The following PIK3CB variants were observed in gnomAD, a reference collection of about 807,000 sequenced individuals.
PIK3CB encodes phosphatidylinositol 4,5-bisphosphate 3-kinase catalytic subunit beta isoform.
A neutral mutation model predicts 136.8 loss-of-function variants in PIK3CB; 39 were observed. That is an observed-to-expected ratio of 0.29 (90% CI 0.22 to 0.37). The LOEUF is 0.37. Among genes scored for constraint, PIK3CB ranks in the 10% least tolerant of loss-of-function variants. The pLI, the probability that PIK3CB is intolerant of heterozygous loss-of-function variation, is 1.00. For synonymous variants in PIK3CB, 428 were observed against 436.6 expected (o/e 0.98, Z 0.25); for missense variants, 868 against 1,275.4 (o/e 0.68, Z 4.87).
chr3:138,673,962 A>C (rs892430773), intron 19 of PIK3CB, among the ~76,000 whole-genome samples: 13 of 152,048 alleles, frequency 8.5e-5, no homozygotes, highest in Non-Finnish European at 1.8e-4. Context: ...ATTTGACCTG[A>C]CTCAGACCTC....
intron 1 of PIK3CB, among the ~76,000 whole-genome samples, chr3:138,809,552 G>A (rs1270917309): frequency 7.3e-6 from 1 of 137,566 alleles, no homozygotes; most frequent in African/African-American, 2.7e-5. Flanking sequence ...GTTGCAGTAA[G>A]CCAAGATTGC....
At chr3:138,661,603 G>C (rs145158020) in intron 21 of PIK3CB, among the ~76,000 whole-genome samples, 6 of 152,366 alleles carry the variant, frequency 3.9e-5, no homozygotes, top group African/African-American at 1.4e-4. Flanking sequence ...AATGTGATTG[G>C]ACGGAAGTCC....
At chr3:138,778,868 C>T (rs907872025) in intron 2 of PIK3CB, 8 of 166,916 alleles carry the variant, frequency 4.8e-5, no homozygotes, top group Non-Finnish European at 7.7e-5. Flanking sequence ...AGCTGCTGTG[C>T]AGTCCTGCCC....
intron 1 of PIK3CB, among the ~76,000 whole-genome samples, chr3:138,827,807 G>A (rs1290866661): frequency 6.7e-6 from 1 of 150,060 alleles, no homozygotes; most frequent in Admixed American, 6.7e-5. Context: ...GTGAAACCCT[G>A]TCTCTACTAA....
At chr3:138,730,940 A>AT (rs2044959075) in intron 8 of PIK3CB, among the ~76,000 whole-genome samples, 1 of 152,058 alleles carries the variant, frequency 6.6e-6, no homozygotes, top group African/African-American at 2.4e-5. Flanking sequence ...TAAATAAATA[A>AT]TTTTTTTAAA....
intron 16 of PIK3CB, among the ~76,000 whole-genome samples, chr3:138,686,446 A>AAAAT (rs1289016995): frequency 2.6e-5 from 4 of 152,136 alleles, no homozygotes; most frequent in East Asian, 1.9e-4. Context: ...CACAAAAAAT[A>AAAAT]AAATAAATAA....
chr3:138,695,669 A>C (rs533176837), intron 13 of PIK3CB, among the ~76,000 whole-genome samples: 93 of 152,148 alleles, frequency 6.1e-4, no homozygotes, highest in African/African-American at 2.0e-3. Flanking sequence ...TTTACATTTG[A>C]AAAATATTTT....
chr3:138,689,436 G>A (rs1409995011), intron 15 of PIK3CB, among the ~76,000 whole-genome samples: 1 of 152,194 alleles, frequency 6.6e-6, no homozygotes, highest in Non-Finnish European at 1.5e-5. Context: ...TGGGATTATA[G>A]GCATGCGCCA....
chr3:138,710,086 G>A (rs1409810374), intron 10 of PIK3CB, among the ~76,000 whole-genome samples: 2 of 151,950 alleles, frequency 1.3e-5, no homozygotes, highest in African/African-American at 2.4e-5. Context: ...CTACTTGGGG[G>A]GCTGAGGAGG....
Position 138,793,903 on chromosome 3 carries a change from TTC to T in PIK3CB, c.-17+2558_-17+2559del, listed in dbSNP as rs564140966. On this transcript the variant is annotated intron_variant, in intron 2 of 23. Coordinates refer to ENST00000674063, the MANE Select transcript of PIK3CB (RefSeq NM_006219.3). ...GTAGGCAGAGCCAGGCCACGTAGTGTTCTGTGGCTGTGGTAAGGAGTTTAGAC... is the reference window on the plus strand; with the variant it reads ...GTAGGCAGAGCCAGGCCACGTAGTGTTGTGGCTGTGGTAAGGAGTTTAGAC... Among the ~76,000 whole-genome samples, 436 of 152,306 alleles carry T rather than the reference TTC, an allele frequency of 2.9e-3. 2 individuals carry two copies. The highest frequency in any genetic ancestry group is 4.7e-3 in the Non-Finnish European group (323 of 68,022).
At chr3:138,694,510 A>G (rs1006362616) in intron 14 of PIK3CB, among the ~76,000 whole-genome samples, 7 of 152,074 alleles carry the variant, frequency 4.6e-5, no homozygotes, top group African/African-American at 1.2e-4. Flanking sequence ...GCAATAAATT[A>G]TATCTGTAAG....
chr3:138,741,179 TC>T (rs1461524500), intron 5 of PIK3CB, among the ~76,000 whole-genome samples: 30 of 152,248 alleles, frequency 2.0e-4, no homozygotes, highest in Non-Finnish European at 4.3e-4. Context: ...AATCTTTTTT[TC>T]ACATCTGTCC....
At chr3:138,724,362 C>T (rs2044793175) in intron 8 of PIK3CB, among the ~76,000 whole-genome samples, 1 of 152,074 alleles carries the variant, frequency 6.6e-6, no homozygotes, top group South Asian at 2.1e-4. Context: ...GAAGCTTGTC[C>T]CCATAGAATT....
At chr3:138,756,678 C>T (rs911025688) in intron 3 of PIK3CB, among the ~76,000 whole-genome samples, 9 of 152,084 alleles carry the variant, frequency 5.9e-5, no homozygotes, top group Non-Finnish European at 1.0e-4. Flanking sequence ...CTGAAAATAA[C>T]AGACCTGAGT....
chr3:138,784,987 C>T lies in PIK3CB; in HGVS notation c.-17+11476G>A, dbSNP rs1230044967. Among the ~76,000 whole-genome samples the T allele has an allele frequency of 3.3e-5, 5 of 151,912 alleles. No homozygotes were observed. In the East Asian group the frequency reaches 9.8e-4, roughly 30 times the overall value. On this transcript the variant is annotated intron_variant, in intron 2 of 23. Coordinates refer to ENST00000674063, the MANE Select transcript of PIK3CB (RefSeq NM_006219.3). The stretch of plus-strand genomic sequence containing the variant: ...CACCCCGTCTGAGAAGTGAGGAGCC[C>T]CTCCACCCGGCAGCCGCCCCGTCTG...
chr3:138,680,370 GGAA>G (rs1326104786), intron 19 of PIK3CB, among the ~76,000 whole-genome samples: 9 of 151,232 alleles, frequency 6.0e-5, no homozygotes, highest in Admixed American at 2.0e-4. Context: ...AAAAAAAAGA[GGAA>G]GAAGAAAAAT....
intron 4 of PIK3CB, among the ~76,000 whole-genome samples, chr3:138,748,372 C>T (rs558076348): frequency 6.6e-6 from 1 of 152,224 alleles, no homozygotes; most frequent in African/African-American, 2.4e-5. Flanking sequence ...TGAAACCTTC[C>T]CTTTTTTTTC....
chr3:138,712,756 G>A lies in PIK3CB; in HGVS notation c.1303-452C>T, dbSNP rs142493850. 3.0e-4 allele frequency among the ~76,000 whole-genome samples: 45 copies of A among 152,040 alleles called. No individual in the cohort carries two copies. The East Asian group carries it at 6.6e-3, about 22-fold the overall frequency. On this transcript the variant is annotated intron_variant, in intron 9 of 23. Coordinates refer to ENST00000674063, the MANE Select transcript of PIK3CB (RefSeq NM_006219.3). ...TAATTTTTGTCCTTTTAGTGGAGACGGGGTTTTGCCGTGTAGGACAGGCTG... is the reference window on the plus strand; with the variant it reads ...TAATTTTTGTCCTTTTAGTGGAGACAGGGTTTTGCCGTGTAGGACAGGCTG...
chr3:138,826,896 C>G (rs891837833), intron 1 of PIK3CB, among the ~76,000 whole-genome samples: 1 of 151,984 alleles, frequency 6.6e-6, no homozygotes, highest in African/African-American at 2.4e-5. Context: ...TGGTAAAAAC[C>G]CCGTCTCTAC....
Sources: allele counts gnomAD v4.1 joint callset (sites outside exome capture counted in the v4.1 genomes callset), GRCh38; gene constraint gnomAD v4.1.1; transcripts MANE v1.5; gene names NCBI Gene and HGNC (gene_info 2026-07-23, HGNC 2026-07-21).